The following MARCO variants were observed in gnomAD, a reference collection of about 807,000 sequenced individuals.
MARCO encodes the protein macrophage receptor with collagenous structure, also known as macrophage receptor MARCO.
MARCO carries 72 observed loss-of-function variants against 70.0 expected under a neutral mutation model. The ratio of observed to expected loss-of-function variants is 1.03; its 90% CI spans 0.85 to 1.25. MARCO has a LOEUF of 1.25. Ranked by LOEUF, MARCO falls within the 50% of genes most tolerant of loss-of-function variation. MARCO has a pLI of 0.00. For missense variants in MARCO, 696 were observed against 659.3 expected (o/e 1.06, Z -0.61); for synonymous variants, 273 against 243.1 (o/e 1.12, Z -1.14).
At chr2:118,970,564 C>G (rs1680146718) in intron 3 of MARCO, among the ~76,000 whole-genome samples, 1 of 152,184 alleles carries the variant, frequency 6.6e-6, no homozygotes, top group Non-Finnish European at 1.5e-5. Flanking sequence ...TTCCCTGGAC[C>G]ACTCCCCCAC....
At chr2:118,976,587 G>C (rs1457214875) in intron 6 of MARCO, among the ~76,000 whole-genome samples, 1 of 152,080 alleles carries the variant, frequency 6.6e-6, no homozygotes. Context: ...TGCTAGCCTT[G>C]GATACCTGGG....
intron 1 of MARCO, among the ~76,000 whole-genome samples, chr2:118,946,516 T>C (rs960781721): frequency 3.3e-5 from 5 of 152,214 alleles, no homozygotes; most frequent in African/African-American, 1.2e-4. Context: ...TGGCTCTTCT[T>C]ATTGAGTAGC....
intron 1 of MARCO, among the ~76,000 whole-genome samples, chr2:118,961,095 T>C (rs1242739555): frequency 6.6e-6 from 1 of 152,240 alleles, no homozygotes; most frequent in East Asian, 1.9e-4. Context: ...CTGCACAGTA[T>C]TCCCTGGAGT....
At position 118,981,664 on chromosome 2, in the gene MARCO, C is replaced by A; in HGVS notation, c.901+8C>A. The A allele has an allele frequency of 6.2e-7, 1 of 1,612,966 alleles. No homozygotes were observed. The highest frequency in any genetic ancestry group is 8.5e-7 in the Non-Finnish European group (1 of 1,179,302). On this transcript the variant is annotated splice_region_variant and intron_variant, in intron 10 of 16. Transcript: ENST00000327097. ...GAGCTAAAGGAGATCAAGGTAAGAA[C>A]TACAGGAATCTGGGCATCATCCCAG...
intron 12 of MARCO, among the ~76,000 whole-genome samples, chr2:118,985,252 T>A (rs1260449086): frequency 1.3e-5 from 2 of 152,194 alleles, no homozygotes; most frequent in Admixed American, 1.3e-4. Flanking sequence ...GAATCGGTTT[T>A]ATGGAAGAAC....
chr2:118,986,955 C>T (rs754360148), intron 12 of MARCO, among the ~76,000 whole-genome samples: 3 of 152,022 alleles, frequency 2.0e-5, no homozygotes, highest in Admixed American at 6.6e-5. Flanking sequence ...TTTTCTGTGG[C>T]GTGCAAGCAG....
At chr2:118,986,750 GA>G (rs1444035894) in intron 12 of MARCO, among the ~76,000 whole-genome samples, 1 of 148,782 alleles carries the variant, frequency 6.7e-6, no homozygotes, top group African/African-American at 2.5e-5. Flanking sequence ...GAAAGAAAGA[GA>G]AAGAAAGAAG....
At chr2:118,957,237 A>C (rs1679853970) in intron 1 of MARCO, among the ~76,000 whole-genome samples, 1 of 152,130 alleles carries the variant, frequency 6.6e-6, no homozygotes. Flanking sequence ...ATAGACCGTT[A>C]ACAAGATAAA....
At chr2:118,976,165 G>A (rs1680280199) in intron 6 of MARCO, among the ~76,000 whole-genome samples, 1 of 152,196 alleles carries the variant, frequency 6.6e-6, no homozygotes, top group African/African-American at 2.4e-5. Context: ...TGACAGGTAG[G>A]CACATCACAC....
chr2:118,977,478 A>C lies in MARCO; in HGVS notation c.621A>C (p.Gln207His). The C allele has an allele frequency of 1.2e-6, 2 of 1,613,946 alleles. No individual in the cohort carries two copies. The highest frequency in any genetic ancestry group is 1.7e-6 in the Non-Finnish European group (2 of 1,179,910). ...PPGVKGEAGL[Q>H]GPQGAPGKQG... is the part of the protein sequence containing the mutation. ...TTTTTTCCTTCCTCACAGGCCTCCA[A>C]GGACCCCAGGGTGCTCCAGGGAAGC... is the stretch of plus-strand genomic sequence containing the variant. The change falls in exon 7 of 17, where the codon CAA becomes CAC. Residue 207 changes from glutamine (Q) to histidine (H), a missense_variant. Physicochemically the swap from Gln to His is conservative, Grantham distance 24. Transcript: ENST00000327097.
At chr2:118,961,778 C>G (rs1452294334) in intron 1 of MARCO, among the ~76,000 whole-genome samples, 1 of 152,200 alleles carries the variant, frequency 6.6e-6, no homozygotes, top group Non-Finnish European at 1.5e-5. Flanking sequence ...GCAATTTCCT[C>G]ATGAAATCTT....
intron 1 of MARCO, among the ~76,000 whole-genome samples, chr2:118,954,538 C>T (rs1333753717): frequency 1.3e-5 from 2 of 152,210 alleles, no homozygotes; most frequent in African/African-American, 4.8e-5. Context: ...TAGGGCCACA[C>T]CCACTGCCAG....
At chr2:118,988,872 C>T (rs2104609230) in intron 12 of MARCO, among the ~76,000 whole-genome samples, 1 of 152,268 alleles carries the variant, frequency 6.6e-6, no homozygotes, top group Admixed American at 6.5e-5. Context: ...ACACAGGACA[C>T]TGTGGGTCCT....
Position 118,976,007 on chromosome 2 carries a change from G to A in MARCO, c.613+1442G>A, listed in dbSNP as rs536768555. ...GGTCTCCCTCCATCCTCTTTCCTCCGAGAGAGAGGGACTCAGGCTAGGTGA... is the reference window on the plus strand; with the variant it reads ...GGTCTCCCTCCATCCTCTTTCCTCCAAGAGAGAGGGACTCAGGCTAGGTGA... On this transcript the variant is annotated intron_variant, in intron 6 of 16. Transcript: ENST00000327097. Among the ~76,000 whole-genome samples, 7 of 152,220 alleles carry A rather than the reference G, an allele frequency of 4.6e-5. No homozygotes were observed. In the East Asian group the frequency reaches 1.2e-3, roughly 25 times the overall value.
chr2:118,987,722 T>C (rs184556645), intron 12 of MARCO, among the ~76,000 whole-genome samples: 1 of 152,366 alleles, frequency 6.6e-6, no homozygotes, highest in African/African-American at 2.4e-5. Context: ...TTGTTAGTAC[T>C]GTGGATTCTT....
Position 118,969,231 on chromosome 2 carries a change from A to C in MARCO, c.169A>C (p.Thr57Pro), listed in dbSNP as rs1680114334. 1 of 1,614,054 alleles carries C rather than the reference A, an allele frequency of 6.2e-7. No homozygotes were observed. Among genetic ancestry groups the C allele is most frequent in the Admixed American group, 1.7e-5 (1 of 60,006 alleles). The change falls in exon 2 of 17, where the codon ACC becomes CCC. Residue 57 changes from threonine to proline, a missense_variant. Around this residue, in one of 3 missense-constraint regions of MARCO, gnomAD observed 605 missense variants for 537.6 expected, o/e 1.13. Coordinates refer to ENST00000327097, the MANE Select transcript of MARCO (RefSeq NM_006770.4). ...AVVVIYLILLTAGAGLLVVQV... is the reference protein window; with the variant it reads ...AVVVIYLILLPAGAGLLVVQV... Reference sequence around the variant, plus strand: ...GGTGGTCATCTACCTGATCCTGCTCACCGCTGGCGCTGGGCTGCTGGTGGT... The same window carrying C: ...GGTGGTCATCTACCTGATCCTGCTCCCCGCTGGCGCTGGGCTGCTGGTGGT...
At chr2:118,967,575 C>T (rs17009716) in intron 1 of MARCO, among the ~76,000 whole-genome samples, 27,939 of 151,924 alleles carry the variant, frequency 0.18, 3,399 homozygotes, top group African/African-American at 0.33. Flanking sequence ...GCACTCCATG[C>T]TAAACTGAGT....
At chr2:118,959,322 G>A (rs183372202) in intron 1 of MARCO, among the ~76,000 whole-genome samples, 255 of 152,186 alleles carry the variant, frequency 1.7e-3, no homozygotes, top group Non-Finnish European at 2.8e-3. Context: ...AGTGGGCTAA[G>A]GATATGAAAA....
intron 1 of MARCO, among the ~76,000 whole-genome samples, chr2:118,953,162 C>A (rs1374839725): frequency 6.6e-6 from 1 of 152,164 alleles, no homozygotes; most frequent in Non-Finnish European, 1.5e-5. Context: ...AAGTTGGTTA[C>A]AAAAGTTTTA....
Sources: gnomAD v4.1 joint callset for allele counts (sites outside exome capture counted in the v4.1 genomes callset) on GRCh38, gnomAD v4.1.1 for gene constraint, gnomAD v4.1.1 regional missense constraint, MANE v1.5 for transcripts, NCBI Gene and HGNC (gene_info 2026-07-23, HGNC 2026-07-21) for gene names.